DAB1: variants seen among roughly 807,000 people sequenced by gnomAD.
DAB1 encodes the protein DAB adaptor protein 1.
A neutral mutation model predicts 64.6 loss-of-function variants in DAB1; 15 were observed. That is an observed-to-expected ratio of 0.23 (90% CI 0.16 to 0.36). The LOEUF is 0.36. Ranked by LOEUF, DAB1 falls within the 10% of genes least tolerant of loss-of-function variation. The probability of loss-of-function intolerance (pLI) is 1.00; values close to 1 mark genes in which losing one functional copy is unlikely to be tolerated. For synonymous variants in DAB1, 235 were observed against 251.9 expected (o/e 0.93, Z 0.64); for missense variants, 596 against 706.7 (o/e 0.84, Z 1.78).
rs61767509 is a variant in DAB1 at position 57,183,903 on chromosome 1, T to C, written c.68-38474A>G. ...GAAAGGAAGAATCATGGAAGTTTTC[T>C]GGAGGAGACACCATTAGCTCAAGCC... On this transcript the variant is annotated intron_variant, in intron 2 of 14. Coordinates refer to ENST00000371236, the MANE Select transcript of DAB1 (RefSeq NM_001365792.1). 7.9e-3 allele frequency among the ~76,000 whole-genome samples: 1,206 copies of C among 152,280 alleles called. 26 individuals are homozygous for C. The highest frequency in any genetic ancestry group is 0.076 in the East Asian group (394 of 5,168).
At chr1:57,986,009 C>T (rs1242103946) in intron 5 of DAB1, among the ~76,000 whole-genome samples, 3 of 152,182 alleles carry the variant, frequency 2.0e-5, no homozygotes, top group Non-Finnish European at 4.4e-5. Flanking sequence ...GAGAGATTAA[C>T]CAACATGTTC....
chr1:58,283,345 T>C (rs1033458936), intron 4 of DAB1, among the ~76,000 whole-genome samples: 2 of 152,196 alleles, frequency 1.3e-5, no homozygotes, highest in Non-Finnish European at 2.9e-5. Flanking sequence ...TAGTATCTGC[T>C]CAGCTAGAAA....
intron 4 of DAB1, among the ~76,000 whole-genome samples, chr1:58,313,366 G>A (rs1662473226): frequency 6.6e-6 from 1 of 152,112 alleles, no homozygotes; most frequent in Non-Finnish European, 1.5e-5. Flanking sequence ...GTGGTTACCA[G>A]AACCCAGCCC....
chr1:57,635,280 C>T (rs778165845), intron 7 of DAB1, among the ~76,000 whole-genome samples: 3 of 152,114 alleles, frequency 2.0e-5, no homozygotes, highest in Non-Finnish European at 4.4e-5. Context: ...CCCCAAACCC[C>T]GGGCCATGGA....
chr1:58,011,245 T>C (rs1646663939), intron 5 of DAB1, among the ~76,000 whole-genome samples: 1 of 152,240 alleles, frequency 6.6e-6, no homozygotes, highest in African/African-American at 2.4e-5. Context: ...CGGTTTATAC[T>C]AATCCCCCAG....
intron 4 of DAB1, among the ~76,000 whole-genome samples, chr1:58,315,140 A>G (rs1160965181): frequency 6.6e-6 from 1 of 152,224 alleles, no homozygotes; most frequent in African/African-American, 2.4e-5. Context: ...GCAATTTTAC[A>G]TCGCTCTATT....
At chr1:58,320,852 G>T (rs1162185413) in intron 4 of DAB1, among the ~76,000 whole-genome samples, 2 of 152,222 alleles carry the variant, frequency 1.3e-5, no homozygotes, top group African/African-American at 4.8e-5. Flanking sequence ...GCTGATTTCA[G>T]ATGGGTTCAG....
chr1:58,372,077 C>T (rs1644269065), intron 3 of DAB1, among the ~76,000 whole-genome samples: 1 of 152,214 alleles, frequency 6.6e-6, no homozygotes, highest in South Asian at 2.1e-4. Context: ...CCACTGTTCT[C>T]TGCACCCCAA....
chr1:57,005,181 G>A (rs961048559), intron 14 of DAB1, among the ~76,000 whole-genome samples: 3 of 152,058 alleles, frequency 2.0e-5, no homozygotes, highest in Admixed American at 6.5e-5. Flanking sequence ...CCTGAGTTTC[G>A]AGGCAACTGT....
chr1:57,212,713 G>A (rs1290563390), intron 2 of DAB1, among the ~76,000 whole-genome samples: 1 of 152,082 alleles, frequency 6.6e-6, no homozygotes, highest in Non-Finnish European at 1.5e-5. Context: ...AATTCATTTT[G>A]ATTTTCATCT....
At chr1:58,358,918 C>A (rs148309941) in intron 3 of DAB1, among the ~76,000 whole-genome samples, 1,496 of 55,172 alleles carry the variant, frequency 0.027, 34 homozygotes, top group African/African-American at 0.073. Context: ...TCTCTCCCCC[C>A]CTTCCTTTCT....
At chr1:57,016,068 T>C (rs1349745106) in intron 11 of DAB1, among the ~76,000 whole-genome samples, 2 of 152,192 alleles carry the variant, frequency 1.3e-5, no homozygotes, top group Admixed American at 1.3e-4. Context: ...CTGGGTTGAT[T>C]TGAAGATTAA....
At chr1:57,743,679 G>C (rs1366488389) in intron 6 of DAB1, among the ~76,000 whole-genome samples, 1 of 152,142 alleles carries the variant, frequency 6.6e-6, no homozygotes, top group African/African-American at 2.4e-5. Context: ...TGACTCTGCC[G>C]AGAGCAGCTC....
chr1:57,040,386 C>T (rs1419531570), intron 9 of DAB1, among the ~76,000 whole-genome samples: 1 of 152,108 alleles, frequency 6.6e-6, no homozygotes, highest in Non-Finnish European at 1.5e-5. Context: ...TAGGAAGAAA[C>T]ATTGAAAACA....
intron 7 of DAB1, among the ~76,000 whole-genome samples, chr1:57,473,330 C>A (rs1042010659): frequency 6.6e-6 from 1 of 152,150 alleles, no homozygotes; most frequent in Non-Finnish European, 1.5e-5. Context: ...GTATTGATTG[C>A]CGCCCTTCTC....
At chr1:57,124,360 A>G (rs1259788217) in intron 4 of DAB1, among the ~76,000 whole-genome samples, 1 of 152,124 alleles carries the variant, frequency 6.6e-6, no homozygotes, top group Non-Finnish European at 1.5e-5. Flanking sequence ...ATCATACAGC[A>G]CAGTCAGAGT....
chr1:57,533,319 A>G (rs1211946650), intron 7 of DAB1, among the ~76,000 whole-genome samples: 1 of 151,734 alleles, frequency 6.6e-6, no homozygotes, highest in East Asian at 1.9e-4. Context: ...GACCCTGTGG[A>G]TTCTTATACA....
chr1:58,357,088 G>C (rs1253670608), intron 3 of DAB1, among the ~76,000 whole-genome samples: 2 of 150,312 alleles, frequency 1.3e-5, no homozygotes, highest in African/African-American at 4.9e-5. Context: ...GAAATGTGAA[G>C]CCATGGGAAG....
chr1:57,742,320 G>A (rs4912278), intron 6 of DAB1, among the ~76,000 whole-genome samples: 17,879 of 152,180 alleles, frequency 0.12, 1,397 homozygotes, highest in East Asian at 0.41. Context: ...AGATTTCATG[G>A]TGTTTCAAAA....
Sources: allele counts gnomAD v4.1 joint callset (sites outside exome capture counted in the v4.1 genomes callset), GRCh38; gene constraint gnomAD v4.1.1; transcripts MANE v1.5; gene names NCBI Gene and HGNC (gene_info 2026-07-23, HGNC 2026-07-21).